The following SMARCA4 variants were observed in gnomAD, a reference collection of about 807,000 sequenced individuals.
SMARCA4 encodes the protein SWI/SNF-related matrix-associated actin-dependent regulator of chromatin subfamily A member 4.
In SMARCA4, 31 loss-of-function variants were observed where a neutral mutation model predicts 193.9. The ratio of observed to expected loss-of-function variants is 0.16; its 90% CI spans 0.12 to 0.22. The LOEUF is 0.22. Among genes scored for constraint, SMARCA4 ranks in the 10% least tolerant of loss-of-function variants. The pLI is 1.00. For synonymous variants in SMARCA4, 942 were observed against 933.1 expected, an observed-to-expected ratio of 1.01 and a Z score of -0.17; for missense variants, 1,148 against 2,296.0, an observed-to-expected ratio of 0.50 and a Z score of 10.22.
At chr19:11,047,420 T>G (rs1349123026) in intron 30 of SMARCA4, among the ~76,000 whole-genome samples, 1 of 151,776 alleles carries the variant, frequency 6.6e-6, no homozygotes, top group African/African-American at 2.4e-5. Context: ...GTTTTTTTTT[T>G]TTTTTGGAGA....
rs1472583838 is a variant in SMARCA4, at chr19:10,986,961, C to T, written c.817C>T (p.Pro273Ser). 3 of 1,609,588 alleles carry T rather than the reference C, an allele frequency of 1.9e-6. No individual in the cohort carries two copies. The highest frequency in any genetic ancestry group is 8.5e-7 in the Non-Finnish European group (1 of 1,179,862). ...ACCCTCGGGCGTGCCCCCCGGGATG[C>T]CAGGCCAGCCTCCTGGAGGGCCTCC... is the stretch of plus-strand genomic sequence containing the variant. ...PGPSGVPPGM[P>S]GQPPGGPPKP... Residue 273 changes from proline to serine, a missense_variant, in exon 5 of 35, where the codon CCA (proline) becomes TCA (serine). Physicochemically the swap from Pro to Ser is moderately conservative, Grantham distance 74 (BLOSUM62 -1). Around this residue, in one of 17 missense-constraint regions of SMARCA4, gnomAD observed 257 missense variants for 276.5 expected, o/e 0.93. Transcript: ENST00000344626. The surrounding 1 kb of genome is among the most constrained non-coding windows in gnomAD (Gnocchi z 6.7).
rs541363253 is a variant in SMARCA4, at chr19:11,056,551, A to G, written c.4425-1704A>G. ...GGCCAGGAGATTCACTCCCACCTCAATTTCCTCCTCAGCACGGCTGGCCTG... is the reference window on the plus strand; with the variant it reads ...GGCCAGGAGATTCACTCCCACCTCAGTTTCCTCCTCAGCACGGCTGGCCTG... On this transcript the variant is annotated intron_variant, in intron 30 of 34. Coordinates refer to ENST00000344626, the MANE Select transcript of SMARCA4 (RefSeq NM_003072.5). Among the ~76,000 whole-genome samples the G allele has an allele frequency of 1.4e-4, 21 of 152,228 alleles. 1 individual carries two copies. In the South Asian group the frequency reaches 3.7e-3, roughly 27 times the overall value.
In SMARCA4 at chr19:11,030,991, A is replaced by G; in HGVS notation, c.3546+98A>G. 2 of 1,167,456 alleles carry G rather than the reference A, an allele frequency of 1.7e-6. No individual in the cohort carries two copies. Among genetic ancestry groups the G allele is most frequent in the Non-Finnish European group, 1.2e-6 (1 of 806,972 alleles). The allele number at this position is 1,167,456 out of a possible 1,614,324, so 72.3% of individuals were successfully genotyped here. ...GCTTGAGGGTCCTCCAGCCTCCTCCACATTGTCTTGGACCCCAGGAGCCGG... is the reference window on the plus strand; with the variant it reads ...GCTTGAGGGTCCTCCAGCCTCCTCCGCATTGTCTTGGACCCCAGGAGCCGG... On this transcript the variant is annotated intron_variant, in intron 25 of 34. Transcript: ENST00000344626. The surrounding 1 kb of genome is among the most constrained non-coding windows in gnomAD (Gnocchi z 5.5).
At chr19:10,988,483 A>G (rs1190765194) in intron 6 of SMARCA4, among the ~76,000 whole-genome samples, 1 of 152,116 alleles carries the variant, frequency 6.6e-6, no homozygotes, top group Non-Finnish European at 1.5e-5. Flanking sequence ...TATCTGCCCA[A>G]TAAGCTTTGC....
chr19:11,059,958 A>G lies in SMARCA4; in HGVS notation c.4768+73A>G, dbSNP rs558570296. 60 of 1,613,018 alleles carry G rather than the reference A, an allele frequency of 3.7e-5. No homozygotes were observed. The African/African-American group carries it at 6.9e-4, about 19-fold the overall frequency. ...AGCCCCCAAGGCCCCAGCTTTTCAC[A>G]GCCCTCCCGGCTCCCAGACGCCCCT... On this transcript the variant is annotated intron_variant, in intron 33 of 34. Coordinates refer to ENST00000344626, the MANE Select transcript of SMARCA4 (RefSeq NM_003072.5).
rs539641327 is a variant in SMARCA4 at position 11,019,564 on chromosome 19, G to C, written c.2506-27G>C. Reference sequence around the variant, plus strand: ...ACCTGGCCACCCGGCTCCAAAAGCCGAGCTGTGCATCCTGCTTCCCTTGCA... The same window carrying C: ...ACCTGGCCACCCGGCTCCAAAAGCCCAGCTGTGCATCCTGCTTCCCTTGCA... On this transcript the variant is annotated intron_variant, in intron 17 of 34. Coordinates refer to ENST00000344626, the MANE Select transcript of SMARCA4 (RefSeq NM_003072.5). The surrounding 1 kb of genome is among the most constrained non-coding windows in gnomAD (Gnocchi z 6.1). 6.5e-7 allele frequency: 1 copy of C among 1,536,208 alleles called. No homozygotes were observed. Among genetic ancestry groups the C allele is most frequent in the Admixed American group, 1.8e-5 (1 of 56,772 alleles).
At chr19:10,962,703 T>C (rs1455258220) in intron 1 of SMARCA4, among the ~76,000 whole-genome samples, 13 of 152,134 alleles carry the variant, frequency 8.5e-5, no homozygotes, top group South Asian at 4.2e-4. Flanking sequence ...CCACCACGCC[T>C]GGCTAATTTT....
intron 16 of SMARCA4, among the ~76,000 whole-genome samples, chr19:11,017,752 C>G (rs1465529772): frequency 1.3e-5 from 2 of 152,272 alleles, no homozygotes; most frequent in Admixed American, 6.5e-5. Flanking sequence ...AGCACAGGGT[C>G]AGGCCCTACG....
At chr19:10,999,455 G>A (rs576536956) in intron 11 of SMARCA4, among the ~76,000 whole-genome samples, 101 of 151,904 alleles carry the variant, frequency 6.6e-4, no homozygotes, top group African/African-American at 2.3e-3. Flanking sequence ...CCAGGAGTTC[G>A]AGACCAGTGT....
Position 11,034,298 on chromosome 19 carries a change from A to T in SMARCA4, c.3951+98A>T. The T allele has an allele frequency of 1.0e-6, 1 of 956,492 alleles. No homozygotes were observed. Among genetic ancestry groups the T allele is most frequent in the Non-Finnish European group, 1.7e-6 (1 of 594,926 alleles). The allele number at this position is 956,492 out of a possible 1,614,324, so 59.3% of individuals were successfully genotyped here. On this transcript the variant is annotated intron_variant, in intron 28 of 34. Transcript: ENST00000344626. This position sits in a 1 kb window ranked among gnomAD's most constrained non-coding sequence, Gnocchi z 7.0. ...TAGTGCCCATGGTGGTATCCCTAGC[A>T]GGTCAGGGAGCCAGGGACAGCTCAC...
chr19:11,059,668 G>A (rs1211361794), intron 32 of SMARCA4, 85 bp from the exon 33 acceptor site: 1 of 1,447,878 alleles, frequency 6.9e-7, no homozygotes, highest in African/African-American at 1.4e-5. Flanking sequence ...GGCAACACAG[G>A]GCTGGGGCTG....
chr19:11,001,167 A>G (rs58636945), intron 11 of SMARCA4, among the ~76,000 whole-genome samples: 9,851 of 152,104 alleles, frequency 0.065, 355 homozygotes, highest in South Asian at 0.11. Flanking sequence ...TGATCCTCCG[A>G]GGACCTTTTT....
intron 30 of SMARCA4, among the ~76,000 whole-genome samples, chr19:11,055,424 G>A (rs555149454): frequency 4.6e-5 from 7 of 151,984 alleles, no homozygotes; most frequent in Middle Eastern, 3.2e-3. Context: ...TCCGGACTTC[G>A]TGATCCACCC....
chr19:11,018,973 G>A lies in SMARCA4; in HGVS notation c.2455G>A (p.Ala819Thr), dbSNP rs767743765. ...IVPLSTLSNW[A>T]YEFDKWAPSV... is the part of the protein sequence containing the mutation. Reference sequence around the variant, plus strand: ...TTCCATCAGAACGCTGTCCAACTGGGCGTACGAGTTTGACAAGTGGGCCCC... The same window carrying A: ...TTCCATCAGAACGCTGTCCAACTGGACGTACGAGTTTGACAAGTGGGCCCC... The change falls in exon 17 of 35, where the codon GCG becomes ACG. Residue 819 changes from alanine to threonine, a missense_variant. This residue lies in a region of SMARCA4 where 54 missense variants were observed against 123.3 expected (regional missense o/e 0.44). Transcript: ENST00000344626. 5 of 1,614,072 alleles carry A rather than the reference G, an allele frequency of 3.1e-6. No homozygotes were observed. Among genetic ancestry groups the A allele is most frequent in the Middle Eastern group, 3.3e-4 (2 of 6,062 alleles).
chr19:10,980,348 G>C (rs538114094), intron 1 of SMARCA4, among the ~76,000 whole-genome samples: 34 of 152,114 alleles, frequency 2.2e-4, no homozygotes, highest in Non-Finnish European at 4.4e-4. Flanking sequence ...ATGGTTTTTT[G>C]GGGCAGCATC....
chr19:11,021,991 T>C, intron 19 of SMARCA4, 24 bp downstream of exon 19: 1 of 1,611,456 alleles, frequency 6.2e-7, no homozygotes, highest in Non-Finnish European at 8.5e-7. Context: ...GCTGTGCCCA[T>C]GCTGACGGTT....
In SMARCA4 at chr19:11,019,274, G is replaced by T. The variant is rs1367943889; in HGVS notation, c.2505+251G>T. 2 of 614,712 alleles carry T rather than the reference G, an allele frequency of 3.3e-6. No individual in the cohort carries two copies. Among genetic ancestry groups the T allele is most frequent in the African/African-American group, 3.7e-5 (2 of 54,588 alleles). 38.1% of individuals were successfully genotyped at this position (614,712 alleles called of 1,614,324 possible). ...GGCCAGCACTCAGAGGCCAGCTCAG[G>T]CGCCTGAGATGGGGACCCAGGAAGA... On this transcript the variant is annotated intron_variant, in intron 17 of 34. Coordinates refer to ENST00000344626, the MANE Select transcript of SMARCA4 (RefSeq NM_003072.5). This position sits in a 1 kb window ranked among gnomAD's most constrained non-coding sequence, Gnocchi z 6.1.
At chr19:11,007,780 A>T in intron 13 of SMARCA4, 122 bp from the exon 14 acceptor site, 3 of 893,304 alleles carry the variant, frequency 3.4e-6, no homozygotes, top group Non-Finnish European at 5.6e-6. Context: ...ACATTCCAGG[A>T]TAGGTAGAGG....
chr19:10,980,761 T>G (rs2085497440), intron 1 of SMARCA4: 1 of 152,228 alleles, frequency 6.6e-6, no homozygotes, highest in African/African-American at 2.4e-5. Flanking sequence ...CTTTTTCTCT[T>G]TTTCCTCTGA....
Sources: gnomAD v4.1 joint callset for allele counts (sites outside exome capture counted in the v4.1 genomes callset) on GRCh38, gnomAD v4.1.1 for gene constraint, gnomAD v4.1.1 regional missense constraint, Gnocchi (gnomAD v3.1) non-coding constraint, MANE v1.5 for transcripts, NCBI Gene and HGNC (gene_info 2026-07-23, HGNC 2026-07-21) for gene names.